The following DPYSL2 variants were observed in gnomAD, a reference collection of about 807,000 sequenced individuals.
DPYSL2 encodes the protein dihydropyrimidinase-related protein 2.
Under a neutral mutation model 69.9 loss-of-function variants are expected in DPYSL2, and 13 were observed. That is an observed-to-expected ratio of 0.19 (90% CI 0.12 to 0.30). The LOEUF (loss-of-function observed/expected upper bound fraction) is 0.30, where lower values mean the gene tolerates loss of function less well. Ranked by LOEUF, DPYSL2 falls within the 10% of genes least tolerant of loss-of-function variation. The probability of loss-of-function intolerance (pLI) is 1.00; values close to 1 mark genes in which losing one functional copy is unlikely to be tolerated. For missense variants in DPYSL2, 587 were observed against 918.9 expected (o/e 0.64, Z 4.67); for synonymous variants, 326 against 359.1 (o/e 0.91, Z 1.04).
intron 7 of DPYSL2, among the ~76,000 whole-genome samples, chr8:26,629,193 A>G (rs1032815196): frequency 4.6e-5 from 7 of 152,238 alleles, no homozygotes; most frequent in Middle Eastern, 3.4e-3. Context: ...ATGTACACAC[A>G]GACATAGGCA....
intron 1 of DPYSL2, among the ~76,000 whole-genome samples, chr8:26,567,377 C>T (rs1272429746): frequency 3.3e-5 from 5 of 151,990 alleles, no homozygotes; most frequent in African/African-American, 1.2e-4. Context: ...TCCATCTGCC[C>T]ACCCAACTAT....
At position 26,641,624 on chromosome 8, in the gene DPYSL2, C is replaced by T. The variant is rs1803050342; in HGVS notation, c.1127-1815C>T. The stretch of plus-strand genomic sequence containing the variant: ...GCCACCTGATAGCTCTTTGCACCAG[C>T]TTCTGCATGGGAGACTTTGAGCAGG... On this transcript the variant is annotated intron_variant, in intron 8 of 13. Transcript: ENST00000521913. This position sits in a 1 kb window ranked among gnomAD's most constrained non-coding sequence, Gnocchi z 4.1. 6.6e-6 allele frequency among the ~76,000 whole-genome samples: 1 copy of T among 152,252 alleles called. No homozygotes were observed. The highest frequency in any genetic ancestry group is 6.5e-5 in the Admixed American group (1 of 15,288).
rs1808296493 is a variant in DPYSL2 at position 26,516,710 on chromosome 8, C to T, written c.354+2031C>T. On this transcript the variant is annotated intron_variant, in intron 1 of 13. Transcript: ENST00000521913. The surrounding 1 kb of genome is among the most constrained non-coding windows in gnomAD (Gnocchi z 4.8). ...TGCAATTCACATTGATTTCAGTTGC[C>T]CAGTTATTAGTAACAGAGGGCGATT... Among the ~76,000 whole-genome samples, 1 of 152,078 alleles carries T rather than the reference C, an allele frequency of 6.6e-6. No individual in the cohort carries two copies. Among genetic ancestry groups the T allele is most frequent in the Non-Finnish European group, 1.5e-5 (1 of 68,032 alleles).
intron 7 of DPYSL2, 139 bp downstream of exon 7, chr8:26,628,079 G>T: frequency 2.4e-6 from 2 of 820,092 alleles, no homozygotes; most frequent in East Asian, 2.7e-5. Context: ...TGTGGGTCAC[G>T]TGTGTGTCTG....
rs60036603 is a variant in DPYSL2 at position 26,585,393 on chromosome 8, G to A, written c.628+1410G>A. 0.084 allele frequency among the ~76,000 whole-genome samples: 12,707 copies of A among 152,038 alleles called. 634 individuals carry two copies. Among genetic ancestry groups the A allele is most frequent in the South Asian group, 0.14 (686 of 4,806 alleles). On this transcript the variant is annotated intron_variant, in intron 3 of 13. Transcript: ENST00000521913. This position sits in a 1 kb window ranked among gnomAD's most constrained non-coding sequence, Gnocchi z 4.0. Reference sequence around the variant, plus strand: ...TTTAAATCACAACTCATCCTCTGGCGTTCTCTCTGTCCTGGCCCTCAGGGT... The same window carrying A: ...TTTAAATCACAACTCATCCTCTGGCATTCTCTCTGTCCTGGCCCTCAGGGT...
intron 1 of DPYSL2, among the ~76,000 whole-genome samples, chr8:26,544,910 A>G (rs1800741089): frequency 1.3e-5 from 2 of 152,240 alleles, no homozygotes; most frequent in Non-Finnish European, 2.9e-5. Context: ...TGTAGACACA[A>G]GGAAGATCAT....
chr8:26,578,186 C>A lies in DPYSL2; in HGVS notation c.355-3783C>A. 4 of 1,610,222 alleles carry A rather than the reference C, an allele frequency of 2.5e-6. No individual in the cohort carries two copies. In the South Asian group the frequency reaches 4.5e-5, roughly 18 times the overall value. On this transcript the variant is annotated intron_variant, in intron 1 of 13. Transcript: ENST00000521913. The stretch of plus-strand genomic sequence containing the variant: ...AAAACAAAACAAAACAAAAAAAACC[C>A]AAGTCCCCTTCCCGGCAGTTTTTGC...
In DPYSL2 at chr8:26,584,114, G is replaced by A. The variant is rs1801546014; in HGVS notation, c.628+131G>A. On this transcript the variant is annotated intron_variant, in intron 3 of 13. Coordinates refer to ENST00000521913, the MANE Select transcript of DPYSL2 (RefSeq NM_001197293.3). Reference sequence around the variant, plus strand: ...AGTTCAATCTACCAAATAAGGGGGTGAGGATGTGTTAACCATTTGTCTTAT... The same window carrying A: ...AGTTCAATCTACCAAATAAGGGGGTAAGGATGTGTTAACCATTTGTCTTAT... 4.7e-6 allele frequency: 4 copies of A among 854,362 alleles called. No individual in the cohort carries two copies. The Admixed American group carries it at 1.1e-4, about 24-fold the overall frequency. The allele number at this position is 854,362 out of a possible 1,614,324, so 52.9% of individuals were successfully genotyped here.
chr8:26,521,280 T>A (rs779296493), intron 1 of DPYSL2, among the ~76,000 whole-genome samples: 1 of 152,208 alleles, frequency 6.6e-6, no homozygotes, highest in Non-Finnish European at 1.5e-5. Context: ...CTGCATGGGC[T>A]CTGATTCTGA....
chr8:26,577,336 C>A (rs1178395160), intron 1 of DPYSL2: 2 of 234,224 alleles, frequency 8.5e-6, no homozygotes, highest in Non-Finnish European at 1.7e-5. Context: ...CGCCGCCGTT[C>A]CAGTCCTCAG....
At chr8:26,622,148 T>C (rs1563413364) in intron 3 of DPYSL2, among the ~76,000 whole-genome samples, 1,033 of 57,314 alleles carry the variant, frequency 0.018, 37 homozygotes, top group Non-Finnish European at 0.021. Flanking sequence ...CTTCCTTCCT[T>C]CCTTCCTTCC....
rs1444733986 is a variant in DPYSL2 at position 26,571,837 on chromosome 8, G to C, written c.355-10132G>C. 1.3e-5 allele frequency among the ~76,000 whole-genome samples: 2 copies of C among 152,292 alleles called. No homozygotes were observed. The highest frequency in any genetic ancestry group is 3.9e-4 in the East Asian group (2 of 5,176). On this transcript the variant is annotated intron_variant, in intron 1 of 13. Transcript: ENST00000521913. The surrounding 1 kb of genome is among the most constrained non-coding windows in gnomAD (Gnocchi z 6.1). The stretch of plus-strand genomic sequence containing the variant: ...ATGCAGCCACAGGGGAAGGCAGTGG[G>C]CAGGTTCCGATCCAATCTGCAGTCT...
chr8:26,600,558 T>C (rs1801968563), intron 3 of DPYSL2, among the ~76,000 whole-genome samples: 1 of 152,164 alleles, frequency 6.6e-6, no homozygotes, highest in African/African-American at 2.4e-5. Flanking sequence ...CGTGTACTCA[T>C]TCACTGACCC....
At position 26,516,009 on chromosome 8, in the gene DPYSL2, G is replaced by A. The variant is rs1426367672; in HGVS notation, c.354+1330G>A. Among the ~76,000 whole-genome samples, 3 of 152,204 alleles carry A rather than the reference G, an allele frequency of 2.0e-5. No individual in the cohort carries two copies. The highest frequency in any genetic ancestry group is 2.9e-5 in the Non-Finnish European group (2 of 68,024). On this transcript the variant is annotated intron_variant, in intron 1 of 13. Coordinates refer to ENST00000521913, the MANE Select transcript of DPYSL2 (RefSeq NM_001197293.3). The surrounding 1 kb of genome is among the most constrained non-coding windows in gnomAD (Gnocchi z 4.8). ...GAATTGGTGATGATGGTTGGGGCAT[G>A]ATTTGACTGTTTGCTGATGTGACAT...
intron 1 of DPYSL2, among the ~76,000 whole-genome samples, chr8:26,523,456 A>G (rs1808423309): frequency 6.6e-6 from 1 of 152,154 alleles, no homozygotes; most frequent in African/African-American, 2.4e-5. Flanking sequence ...TGTACCCATG[A>G]AGCAACAACT....
Position 26,591,529 on chromosome 8 carries a change from G to A in DPYSL2, c.628+7546G>A, listed in dbSNP as rs1462784710. ...TGCATGCCTGGAGCTGGCTGTGGGGGCAGCCAGAGAAGCTGCCCAATGAGT... is the reference window on the plus strand; with the variant it reads ...TGCATGCCTGGAGCTGGCTGTGGGGACAGCCAGAGAAGCTGCCCAATGAGT... On this transcript the variant is annotated intron_variant, in intron 3 of 13. Coordinates refer to ENST00000521913, the MANE Select transcript of DPYSL2 (RefSeq NM_001197293.3). The surrounding 1 kb of genome is among the most constrained non-coding windows in gnomAD (Gnocchi z 5.8). Among the ~76,000 whole-genome samples, 1 of 152,210 alleles carries A rather than the reference G, an allele frequency of 6.6e-6. No homozygotes were observed. Among genetic ancestry groups the A allele is most frequent in the Non-Finnish European group, 1.5e-5 (1 of 68,034 alleles).
chr8:26,568,841 G>A (rs899619732), intron 1 of DPYSL2, among the ~76,000 whole-genome samples: 4 of 152,184 alleles, frequency 2.6e-5, no homozygotes, highest in Non-Finnish European at 5.9e-5. Flanking sequence ...TCTGGCTGTG[G>A]TGAGTACAAG....
intron 3 of DPYSL2, among the ~76,000 whole-genome samples, chr8:26,613,562 G>T (rs535505846): frequency 3.3e-5 from 5 of 152,314 alleles, no homozygotes; most frequent in African/African-American, 1.2e-4. Context: ...GACTAAAGAG[G>T]GTCCTGCTCC....
In DPYSL2 at chr8:26,644,813, C is replaced by T. The variant is rs568764688; in HGVS notation, c.1425+722C>T. ...TCTGGACTTAGCATGTCTTCTACTG[C>T]CAGCTTCCAGTAGGCCTGCTATGAA... On this transcript the variant is annotated intron_variant, in intron 10 of 13. Coordinates refer to ENST00000521913, the MANE Select transcript of DPYSL2 (RefSeq NM_001197293.3). This position sits in a 1 kb window ranked among gnomAD's most constrained non-coding sequence, Gnocchi z 4.5. 6.6e-6 allele frequency among the ~76,000 whole-genome samples: 1 copy of T among 152,246 alleles called. No individual in the cohort carries two copies. The highest frequency in any genetic ancestry group is 1.5e-5 in the Non-Finnish European group (1 of 68,014).
Sources: gnomAD v4.1 joint callset for allele counts (sites outside exome capture counted in the v4.1 genomes callset) on GRCh38, gnomAD v4.1.1 for gene constraint, Gnocchi (gnomAD v3.1) non-coding constraint, MANE v1.5 for transcripts, NCBI Gene and HGNC (gene_info 2026-07-23, HGNC 2026-07-21) for gene names.